STPG2: variants seen among roughly 807,000 people sequenced by gnomAD.
STPG2 encodes the protein sperm tail PG-rich repeat containing 2.
Under a neutral mutation model 54.2 loss-of-function variants are expected in STPG2, and 56 were observed. The observed-to-expected ratio is 1.03, with a 90% CI of 0.83 to 1.29. The LOEUF (loss-of-function observed/expected upper bound fraction) is 1.29. STPG2 is among the 50% of genes most tolerant of loss of function. The probability of loss-of-function intolerance (pLI) is 0.00; values close to 1 mark genes in which losing one functional copy is unlikely to be tolerated. For missense variants in STPG2, 596 were observed against 544.9 expected, an observed-to-expected ratio of 1.09 and a Z score of -0.93; for synonymous variants, 200 against 181.8, an observed-to-expected ratio of 1.10 and a Z score of -0.81.
chr4:97,861,857 C>G (rs945014686), intron 8 of STPG2, among the ~76,000 whole-genome samples: 18 of 152,176 alleles, frequency 1.2e-4, no homozygotes, highest in Non-Finnish European at 2.6e-4. Flanking sequence ...AAATCCTTTA[C>G]AGACAAGCAA....
chr4:97,493,058 A>G (rs947637517), intron 4 of STPG2, among the ~76,000 whole-genome samples: 1 of 150,786 alleles, frequency 6.6e-6, no homozygotes, highest in African/African-American at 2.4e-5. Context: ...TCCGTTTTTC[A>G]GTTCTCAGTA....
chr4:97,997,477 T>A (rs139492686), intron 5 of STPG2, among the ~76,000 whole-genome samples: 3 of 152,168 alleles, frequency 2.0e-5, no homozygotes, highest in African/African-American at 7.2e-5. Flanking sequence ...CCCACTATCA[T>A]GAGGACAGTA....
chr4:97,557,450 A>T (rs1732107622), downstream of STPG2, among the ~76,000 whole-genome samples: 1 of 152,192 alleles, frequency 6.6e-6, no homozygotes, highest in African/African-American at 2.4e-5. Flanking sequence ...ATCATCATGT[A>T]GCATACAAAA....
At chr4:97,781,283 T>G (rs1016637824) in intron 9 of STPG2, among the ~76,000 whole-genome samples, 6 of 152,046 alleles carry the variant, frequency 3.9e-5, no homozygotes, top group African/African-American at 1.4e-4. Context: ...CAAACTACCA[T>G]CAGAGAATAC....
chr4:97,693,542 T>A (rs1723449407), intron 10 of STPG2, among the ~76,000 whole-genome samples: 1 of 152,138 alleles, frequency 6.6e-6, no homozygotes, highest in African/African-American at 2.4e-5. Flanking sequence ...AAACAATTAC[T>A]ACTAGACCAA....
Position 98,143,192 on chromosome 4 carries a change from G to C in STPG2, c.-42C>G, listed in dbSNP as rs746302359. On this transcript the variant is annotated 5_prime_UTR_variant, in exon 1 of 11. Transcript: ENST00000295268. ...GGGGCGCTGGGGAAGGGCAGGTGCC[G>C]AAAACGATAAAAACAAGGTAGCTAG... 6.7e-7 allele frequency: 1 copy of C among 1,500,488 alleles called. No individual in the cohort carries two copies. Among genetic ancestry groups the C allele is most frequent in the Non-Finnish European group, 9.2e-7 (1 of 1,086,484 alleles). 92.9% of individuals were successfully genotyped at this position (1,500,488 alleles called of 1,614,324 possible).
At chr4:97,990,212 T>A (rs1734960573) in intron 5 of STPG2, among the ~76,000 whole-genome samples, 1 of 152,212 alleles carries the variant, frequency 6.6e-6, no homozygotes, top group Non-Finnish European at 1.5e-5. Flanking sequence ...CTTCTGCTTT[T>A]TTGTAAAGAT....
At position 97,740,566 on chromosome 4, in the gene STPG2, T is replaced by C. The variant is rs536331036; in HGVS notation, c.1205-27752A>G. 1.1e-4 allele frequency among the ~76,000 whole-genome samples: 17 copies of C among 152,000 alleles called. No individual in the cohort carries two copies. The East Asian group carries it at 2.3e-3, about 21-fold the overall frequency. On this transcript the variant is annotated intron_variant, in intron 9 of 10. Coordinates refer to ENST00000295268, the MANE Select transcript of STPG2 (RefSeq NM_174952.3). The stretch of plus-strand genomic sequence containing the variant: ...AATCACAAGCATTCTTATACACCAA[T>C]AACAGACAAACAGAGAGCCAAATCA...
chr4:98,012,026 T>C lies in STPG2; in HGVS notation c.613-30708A>G, dbSNP rs187776092. 1.5e-3 allele frequency among the ~76,000 whole-genome samples: 230 copies of C among 152,322 alleles called. 1 individual carries two copies. The highest frequency in any genetic ancestry group is 5.3e-3 in the African/African-American group (222 of 41,586). On this transcript the variant is annotated intron_variant, in intron 5 of 10. Coordinates refer to ENST00000295268, the MANE Select transcript of STPG2 (RefSeq NM_174952.3). ...TGGCATTTTCGTCATGAAATCTTTG[T>C]CCATGCCAAGGTCCTGAATGATATT... is the stretch of plus-strand genomic sequence containing the variant.
intron 8 of STPG2, among the ~76,000 whole-genome samples, chr4:97,906,819 C>A (rs1393673523): frequency 6.6e-6 from 1 of 152,132 alleles, no homozygotes; most frequent in South Asian, 2.1e-4. Context: ...TTCAACACCC[C>A]GTCAAACTAA....
intron 3 of STPG2, among the ~76,000 whole-genome samples, chr4:98,111,140 A>T (rs1024447046): frequency 6.6e-6 from 1 of 152,032 alleles, no homozygotes; most frequent in Non-Finnish European, 1.5e-5. Context: ...CCAGAACCAG[A>T]AAAGGACCTC....
At chr4:97,629,705 C>T (rs1009364970) in intron 10 of STPG2, among the ~76,000 whole-genome samples, 1 of 151,906 alleles carries the variant, frequency 6.6e-6, no homozygotes. Context: ...AAGGAAAATA[C>T]TTGACAACAA....
chr4:97,632,252 T>C (rs1405848842), intron 10 of STPG2, among the ~76,000 whole-genome samples: 2 of 151,084 alleles, frequency 1.3e-5, no homozygotes, highest in East Asian at 3.9e-4. Flanking sequence ...TTAGGTTTAC[T>C]AAAATTTCAC....
chr4:97,886,551 G>T (rs1168311799), intron 8 of STPG2, among the ~76,000 whole-genome samples: 1 of 152,142 alleles, frequency 6.6e-6, no homozygotes, highest in Admixed American at 6.5e-5. Flanking sequence ...ATCCACATAT[G>T]ACTAAATGGA....
intron 8 of STPG2, among the ~76,000 whole-genome samples, chr4:97,903,933 T>C (rs946989493): frequency 6.6e-6 from 1 of 152,204 alleles, no homozygotes; most frequent in African/African-American, 2.4e-5. Context: ...ATTCCGCACC[T>C]GGCTCAGAGA....
intron 9 of STPG2, among the ~76,000 whole-genome samples, chr4:97,754,864 G>A (rs1340718188): frequency 6.6e-6 from 1 of 151,992 alleles, no homozygotes; most frequent in African/African-American, 2.4e-5. Flanking sequence ...GATTATGCAA[G>A]GCCTTAAATA....
chr4:98,036,375 C>T (rs755502996), intron 5 of STPG2, among the ~76,000 whole-genome samples: 7 of 151,782 alleles, frequency 4.6e-5, no homozygotes, highest in Non-Finnish European at 1.0e-4. Flanking sequence ...ACTGTAACAC[C>T]ATTCACAATA....
At chr4:98,048,093 G>T (rs1056873076) in intron 5 of STPG2, among the ~76,000 whole-genome samples, 1 of 151,964 alleles carries the variant, frequency 6.6e-6, no homozygotes, top group East Asian at 1.9e-4. Flanking sequence ...CAAAAGTATG[G>T]TTTTTTTAAG....
At position 98,102,614 on chromosome 4, in the gene STPG2, G is replaced by T. The variant is rs137882299; in HGVS notation, c.612+3339C>A. 4.2e-3 allele frequency among the ~76,000 whole-genome samples: 640 copies of T among 151,862 alleles called. 4 individuals are homozygous for T. The highest frequency in any genetic ancestry group is 0.024 in the South Asian group (117 of 4,808). Reference sequence around the variant, plus strand: ...CTGAACATTACCCTATTAATTATCAGTTCAATGCATTTCTGTAGCTCCTCT... The same window carrying T: ...CTGAACATTACCCTATTAATTATCATTTCAATGCATTTCTGTAGCTCCTCT... On this transcript the variant is annotated intron_variant, in intron 5 of 10. Transcript: ENST00000295268.
Sources: allele counts gnomAD v4.1 joint callset (sites outside exome capture counted in the v4.1 genomes callset), GRCh38; gene constraint gnomAD v4.1.1; transcripts MANE v1.5; gene names NCBI Gene and HGNC (gene_info 2026-07-23, HGNC 2026-07-21).